The following JPT1 variants were observed in gnomAD, a reference collection of about 807,000 sequenced individuals.
JPT1 encodes the protein androgen-regulated protein 2.
JPT1 carries 5 observed loss-of-function variants against 17.0 expected under a neutral mutation model. The ratio of observed to expected loss-of-function variants is 0.29; its 90% CI spans 0.15 to 0.62. The LOEUF (loss-of-function observed/expected upper bound fraction) is 0.62, where lower values mean the gene tolerates loss of function less well. Among genes scored for constraint, JPT1 ranks in the 20% least tolerant of loss-of-function variants. The probability of loss-of-function intolerance (pLI) is 0.85; values close to 1 mark genes in which losing one functional copy is unlikely to be tolerated. For missense variants in JPT1, 158 were observed against 188.1 expected (o/e 0.84, Z 0.94); for synonymous variants, 71 against 73.6 (o/e 0.96, Z 0.18).
chr17:75,135,264 T>C lies in JPT1; in HGVS notation c.*838A>G, dbSNP rs893149421. On this transcript the variant is annotated 3_prime_UTR_variant, in exon 5 of 5. Coordinates refer to ENST00000409753, the MANE Select transcript of JPT1 (RefSeq NM_016185.4). ...TACACAGTGTTTCAAAATGTGGATA[T>C]TGTTTACTTGAAGCAACAGTCCAGG... 2 of 152,678 alleles carry C rather than the reference T, an allele frequency of 1.3e-5. No individual in the cohort carries two copies. Among genetic ancestry groups the C allele is most frequent in the African/African-American group, 2.4e-5 (1 of 41,466 alleles). The allele number at this position is 152,678 out of a possible 1,614,324, so 9.5% of individuals were successfully genotyped here. A position where few individuals can be genotyped will look rare whatever the true frequency, so the allele number is the denominator to read the frequency against.
Position 75,136,072 on chromosome 17 carries a change from A to G in JPT1, c.*30T>C, listed in dbSNP as rs2074188433. 6.2e-7 allele frequency: 1 copy of G among 1,614,164 alleles called. No homozygotes were observed. On this transcript the variant is annotated 3_prime_UTR_variant, in exon 5 of 5. Transcript: ENST00000409753. ...CAGTTCACAAGCATGGAGGAAACAG[A>G]CAGAACGACAGCGTTCAGGACAGTC...
At chr17:75,146,155 G>A (rs868498486) in intron 4 of JPT1, among the ~76,000 whole-genome samples, 2 of 151,954 alleles carry the variant, frequency 1.3e-5, no homozygotes, top group South Asian at 2.1e-4. Context: ...ATATATTTTG[G>A]TTTAGTTTAT....
At chr17:75,136,867 C>G (rs1383009473) in intron 4 of JPT1, among the ~76,000 whole-genome samples, 1 of 152,174 alleles carries the variant, frequency 6.6e-6, no homozygotes, top group Non-Finnish European at 1.5e-5. Context: ...GGATCCTGCT[C>G]CCCCTATTCC....
chr17:75,154,415 T>C lies in JPT1; in HGVS notation c.-18A>G, dbSNP rs754541342. The C allele has an allele frequency of 1.6e-5, 24 of 1,546,754 alleles. No homozygotes were observed. The highest frequency in any genetic ancestry group is 1.9e-5 in the Non-Finnish European group (22 of 1,145,244). ...GTGGTCATGGCGCCGAGGAGCGAGG[T>C]AGGCTGGCGCCGGAGCAGAACGCTC... is the stretch of plus-strand genomic sequence containing the variant. On this transcript the variant is annotated 5_prime_UTR_variant, in exon 1 of 5. Coordinates refer to ENST00000409753, the MANE Select transcript of JPT1 (RefSeq NM_016185.4).
At chr17:75,152,770 C>T (rs2074574316) in intron 1 of JPT1, 1 of 152,172 alleles carries the variant, frequency 6.6e-6, no homozygotes, top group Admixed American at 6.6e-5. Context: ...AAAACCAAGG[C>T]TCAATCTCTT....
At chr17:75,153,214 C>A (rs777988872) in intron 1 of JPT1, 1 of 152,154 alleles carries the variant, frequency 6.6e-6, no homozygotes, top group Non-Finnish European at 1.5e-5. Flanking sequence ...TAACTGTAAC[C>A]CACCTTAAAG....
chr17:75,149,260 A>G (rs755547170), intron 1 of JPT1: 70 of 337,358 alleles, frequency 2.1e-4, no homozygotes, highest in Non-Finnish European at 3.5e-4. Context: ...GGACTCTGAG[A>G]CAGAAGGATC....
At chr17:75,148,977 A>G in intron 1 of JPT1, 1 of 1,261,398 alleles carries the variant, frequency 7.9e-7, no homozygotes, top group Non-Finnish European at 1.0e-6. Flanking sequence ...AAATGGCAAA[A>G]GATCTAATGG....
intron 1 of JPT1, 22 bp downstream of exon 1, chr17:75,154,320 G>C (rs2074600926): frequency 6.5e-7 from 1 of 1,536,096 alleles, no homozygotes; most frequent in Non-Finnish European, 8.8e-7. Flanking sequence ...CGCGCGGCTC[G>C]GGCGCGACCC....
intron 4 of JPT1, among the ~76,000 whole-genome samples, chr17:75,140,893 CG>C (rs1246423824): frequency 6.6e-6 from 1 of 152,098 alleles, no homozygotes; most frequent in Non-Finnish European, 1.5e-5. Flanking sequence ...AGTTCGAGAC[CG>C]GCCTGGGCAA....
intron 1 of JPT1, among the ~76,000 whole-genome samples, chr17:75,152,385 C>T (rs2074568228): frequency 6.6e-6 from 1 of 151,984 alleles, no homozygotes; most frequent in African/African-American, 2.4e-5. Flanking sequence ...AAATTTATAA[C>T]GAGTTTATGG....
At chr17:75,139,130 TATAAA>T (rs1329226072) in intron 4 of JPT1, among the ~76,000 whole-genome samples, 4 of 152,092 alleles carry the variant, frequency 2.6e-5, no homozygotes, top group Admixed American at 6.6e-5. Context: ...TAATTGTAAA[TATAAA>T]AGAAAAACAA....
chr17:75,153,755 C>T (rs72844546), intron 1 of JPT1: 74,107 of 152,060 alleles, frequency 0.49, 21,278 homozygotes, highest in Non-Finnish European at 0.65. Context: ...CAGCCCCGCT[C>T]GACCACACAT....
Position 75,135,981 on chromosome 17 carries a change from C to G in JPT1, c.*121G>C. The G allele has an allele frequency of 6.4e-7, 1 of 1,573,106 alleles. No homozygotes were observed. Among genetic ancestry groups the G allele is most frequent in the Non-Finnish European group, 8.6e-7 (1 of 1,160,322 alleles). On this transcript the variant is annotated 3_prime_UTR_variant, in exon 5 of 5. Coordinates refer to ENST00000409753, the MANE Select transcript of JPT1 (RefSeq NM_016185.4). ...TTCAAAAGAAAAAAAAAAAAGACAG[C>G]AGTACATAAAGTGCTTCTTTTTAAT...
intron 1 of JPT1, among the ~76,000 whole-genome samples, chr17:75,151,079 C>T (rs924436366): frequency 2.0e-5 from 3 of 151,642 alleles, no homozygotes; most frequent in African/African-American, 7.3e-5. Context: ...GTCTCCATCT[C>T]CTGACCTCAT....
At chr17:75,142,633 AGGGAGGGG>A (rs2074344661) in intron 4 of JPT1, 14 of 250,182 alleles carry the variant, frequency 5.6e-5, no homozygotes, top group African/African-American at 5.5e-4. Flanking sequence ...GAGGGAGGGG[AGGGAGGGG>A]AGGGGGGGAT....
intron 4 of JPT1, chr17:75,145,398 G>C (rs12450888): frequency 0.48 from 72,799 of 151,964 alleles, 21,018 homozygotes; most frequent in Non-Finnish European, 0.65. Context: ...GCACTCATCG[G>C]CAAGTCTTTA....
At chr17:75,144,186 A>G (rs749648593) in intron 4 of JPT1, among the ~76,000 whole-genome samples, 5 of 152,132 alleles carry the variant, frequency 3.3e-5, no homozygotes, top group Non-Finnish European at 7.3e-5. Flanking sequence ...CCAGGCCCCA[A>G]GTATCTCCTC....
chr17:75,139,592 A>G (rs1385513588), intron 4 of JPT1, among the ~76,000 whole-genome samples: 1 of 152,110 alleles, frequency 6.6e-6, no homozygotes, highest in Admixed American at 6.6e-5. Context: ...AGGCCAAGGC[A>G]GCTGAATAAC....
Sources: allele counts gnomAD v4.1 joint callset (sites outside exome capture counted in the v4.1 genomes callset), GRCh38; gene constraint gnomAD v4.1.1; transcripts MANE v1.5; gene names NCBI Gene and HGNC (gene_info 2026-07-23, HGNC 2026-07-21).